RSPO2: variants seen among roughly 807,000 people sequenced by gnomAD.
RSPO2 encodes the protein R-spondin 2.
RSPO2 carries 14 observed loss-of-function variants against 30.9 expected under a neutral mutation model. The ratio of observed to expected loss-of-function variants is 0.45; its 90% CI spans 0.30 to 0.71. The LOEUF (loss-of-function observed/expected upper bound fraction) is 0.71, where lower values mean the gene tolerates loss of function less well. Among genes scored for constraint, RSPO2 ranks in the 30% least tolerant of loss-of-function variants. RSPO2 has a pLI of 0.08. For missense variants in RSPO2, 264 were observed against 301.9 expected (o/e 0.87, Z 0.93); for synonymous variants, 107 against 96.4 (o/e 1.11, Z -0.64).
intron 2 of RSPO2, among the ~76,000 whole-genome samples, chr8:108,008,405 G>A (rs906981560): frequency 1.3e-5 from 2 of 152,114 alleles, no homozygotes; most frequent in Non-Finnish European, 2.9e-5. Context: ...ACTCACAGAA[G>A]TAACTGACTG....
At chr8:108,034,890 T>G (rs1811542727) in intron 2 of RSPO2, among the ~76,000 whole-genome samples, 1 of 152,088 alleles carries the variant, frequency 6.6e-6, no homozygotes, top group Middle Eastern at 3.2e-3. Flanking sequence ...ACACAGAAGC[T>G]AAGCTTTATT....
Position 107,958,217 on chromosome 8 carries a change from T to A in RSPO2, c.479A>T (p.Asn160Ile). 1.2e-6 allele frequency: 2 copies of A among 1,613,928 alleles called. No individual in the cohort carries two copies. The highest frequency in any genetic ancestry group is 1.7e-6 in the Non-Finnish European group (2 of 1,179,892). ...ACCCCATTTAAATCCACATGTGCGA[T>A]TATTTCTGCTACAAGTTCCCCATTC... ...WSEWGTCSRNNRTCGFKWGLE... is the reference protein window; with the variant it reads ...WSEWGTCSRNIRTCGFKWGLE... The change falls in exon 5 of 6, where the codon AAT (asparagine) becomes ATT (isoleucine). Residue 160 changes from asparagine to isoleucine, a missense_variant. Physicochemically the swap from Asn to Ile is moderately radical, Grantham distance 149. Coordinates refer to ENST00000276659, the MANE Select transcript of RSPO2 (RefSeq NM_178565.5).
intron 2 of RSPO2, among the ~76,000 whole-genome samples, chr8:107,994,321 C>T (rs1163555805): frequency 6.6e-6 from 1 of 152,048 alleles, no homozygotes; most frequent in Non-Finnish European, 1.5e-5. Flanking sequence ...GTACAATGTA[C>T]TTACTTACAA....
At chr8:107,992,225 TA>T (rs1349160182) in intron 2 of RSPO2, among the ~76,000 whole-genome samples, 1 of 132,154 alleles carries the variant, frequency 7.6e-6, no homozygotes, top group African/African-American at 3.1e-5. Context: ...TATACAGCCA[TA>T]AAAAAGAATG....
chr8:107,975,775 A>G (rs1814184778), intron 3 of RSPO2, among the ~76,000 whole-genome samples: 1 of 152,332 alleles, frequency 6.6e-6, no homozygotes, highest in South Asian at 2.1e-4. Flanking sequence ...TCAATTGACA[A>G]TTGTGAGATT....
intron 5 of RSPO2, among the ~76,000 whole-genome samples, chr8:107,925,625 A>G (rs539370512): frequency 9.3e-4 from 141 of 151,790 alleles, no homozygotes; most frequent in African/African-American, 3.3e-3. Flanking sequence ...TCATTGTTCA[A>G]TTCCCACCTA....
chr8:107,971,618 C>T (rs1017443371), intron 3 of RSPO2, among the ~76,000 whole-genome samples: 1 of 152,164 alleles, frequency 6.6e-6, no homozygotes, highest in African/African-American at 2.4e-5. Context: ...CCTGATCTGG[C>T]CTACTGAAAT....
chr8:108,014,919 GA>G (rs540210327), intron 2 of RSPO2, among the ~76,000 whole-genome samples: 31 of 150,284 alleles, frequency 2.1e-4, no homozygotes, highest in Admixed American at 7.3e-4. Context: ...GGGGAAAAAA[GA>G]ACACTGCAGA....
intron 2 of RSPO2, among the ~76,000 whole-genome samples, chr8:108,009,230 A>G (rs1374257793): frequency 6.6e-6 from 1 of 152,196 alleles, no homozygotes; most frequent in Non-Finnish European, 1.5e-5. Context: ...ATGAAATATG[A>G]ATTTCATAGA....
intron 3 of RSPO2, among the ~76,000 whole-genome samples, chr8:107,985,800 G>C (rs1470564939): frequency 2.6e-5 from 4 of 152,172 alleles, no homozygotes; most frequent in African/African-American, 7.2e-5. Flanking sequence ...TCTAGTGTCT[G>C]TTAGTACATG....
At chr8:108,064,007 A>G (rs1290388815) in intron 2 of RSPO2, among the ~76,000 whole-genome samples, 1 of 152,162 alleles carries the variant, frequency 6.6e-6, no homozygotes, top group Non-Finnish European at 1.5e-5. Flanking sequence ...TCCCTTCCTT[A>G]CCCCTTATAC....
intron 5 of RSPO2, among the ~76,000 whole-genome samples, chr8:107,913,361 A>T (rs1027109874): frequency 2.6e-5 from 4 of 152,206 alleles, no homozygotes; most frequent in Non-Finnish European, 5.9e-5. Context: ...AAATTCATAA[A>T]ATGAAGCCTG....
At chr8:107,947,976 C>T (rs1563533877) in intron 5 of RSPO2, among the ~76,000 whole-genome samples, 1 of 152,166 alleles carries the variant, frequency 6.6e-6, no homozygotes, top group Non-Finnish European at 1.5e-5. Context: ...AATGATCTCC[C>T]TTTTTAAACA....
chr8:108,067,505 G>C (rs1812707357), intron 2 of RSPO2, among the ~76,000 whole-genome samples: 1 of 152,140 alleles, frequency 6.6e-6, no homozygotes, highest in Admixed American at 6.5e-5. Flanking sequence ...GTCAATATTT[G>C]TTCAGCCTGG....
At chr8:108,017,961 TA>T (rs1810946851) in intron 2 of RSPO2, among the ~76,000 whole-genome samples, 1 of 152,162 alleles carries the variant, frequency 6.6e-6, no homozygotes, top group African/African-American at 2.4e-5. Context: ...GCTACCAAAA[TA>T]AAAGCTTTCC....
chr8:107,914,231 G>T (rs190612211), intron 5 of RSPO2, among the ~76,000 whole-genome samples: 1 of 152,226 alleles, frequency 6.6e-6, no homozygotes, highest in Admixed American at 6.5e-5. Context: ...ATTGGTGAGT[G>T]CCTTTGAGTT....
In RSPO2 at chr8:108,082,606, G is replaced by A; in HGVS notation, c.33C>T (p.Ile11=). The A allele has an allele frequency of 6.2e-7, 1 of 1,614,162 alleles. No individual in the cohort carries two copies. The highest frequency in any genetic ancestry group is 8.5e-7 in the Non-Finnish European group (1 of 1,180,026). Residue 11 remains isoleucine (I), a synonymous_variant, in exon 2 of 6, where the codon ATC becomes ATT. Coordinates refer to ENST00000276659, the MANE Select transcript of RSPO2 (RefSeq NM_178565.5). MQFRLFSFAL[I]ILNCMDYSHC... is the part of the protein sequence containing the mutation. ...GGCTGTAATCCATGCAGTTCAGAAT[G>A]ATGAGGGCAAAGGAGAAAAGGCGAA...
At position 108,047,087 on chromosome 8, in the gene RSPO2, G is replaced by A. The variant is rs150252273; in HGVS notation, c.94+35458C>T. Among the ~76,000 whole-genome samples, 65 of 152,302 alleles carry A rather than the reference G, an allele frequency of 4.3e-4. 1 individual carries two copies. In the East Asian group the frequency reaches 0.011, roughly 25 times the overall value. ...AGGCATGAGTGGTAAGCAGGGCTGA[G>A]CTGCCAGAAAGCCATTTCCTTGCCA... On this transcript the variant is annotated intron_variant, in intron 2 of 5. Transcript: ENST00000276659.
At chr8:108,023,998 C>T (rs559363414) in intron 2 of RSPO2, among the ~76,000 whole-genome samples, 1 of 152,206 alleles carries the variant, frequency 6.6e-6, no homozygotes, top group African/African-American at 2.4e-5. Context: ...TTTGACCACA[C>T]ATTAAACATG....
Sources: gnomAD v4.1 joint callset for allele counts (sites outside exome capture counted in the v4.1 genomes callset) on GRCh38, gnomAD v4.1.1 for gene constraint, MANE v1.5 for transcripts, NCBI Gene and HGNC (gene_info 2026-07-23, HGNC 2026-07-21) for gene names.